The following RARS2 variants were observed in gnomAD, a reference collection of about 807,000 sequenced individuals.
The protein encoded by RARS2 is probable arginine--tRNA ligase, mitochondrial.
A neutral mutation model predicts 88.5 loss-of-function variants in RARS2; 67 were observed. The ratio of observed to expected loss-of-function variants is 0.76; its 90% confidence interval spans 0.62 to 0.93. The LOEUF is 0.93. RARS2 is among the 40% of genes least tolerant of loss of function. RARS2 has a pLI of 0.00. For missense variants in RARS2, 664 were observed against 684.2 expected, an observed-to-expected ratio of 0.97 and a Z score of 0.33; for synonymous variants, 239 against 230.3, an observed-to-expected ratio of 1.04 and a Z score of -0.34.
At chr6:87,539,829 G>C (rs1402972587) in intron 8 of RARS2, among the ~76,000 whole-genome samples, 1 of 152,114 alleles carries the variant, frequency 6.6e-6, no homozygotes, top group Non-Finnish European at 1.5e-5. Flanking sequence ...TGTGGCACCG[G>C]GGAACAAGCA....
At chr6:87,568,610 T>C (rs1768667347) in intron 2 of RARS2, among the ~76,000 whole-genome samples, 1 of 152,218 alleles carries the variant, frequency 6.6e-6, no homozygotes, top group African/African-American at 2.4e-5. Flanking sequence ...TTACATATAA[T>C]CATGAGATCC....
intron 4 of RARS2, among the ~76,000 whole-genome samples, chr6:87,558,181 G>GA (rs200923177): frequency 0.014 from 1,614 of 118,336 alleles, 17 homozygotes; most frequent in African/African-American, 0.042. Context: ...CCGTCTCAAA[G>GA]AAAAAAAAAA....
chr6:87,514,846 A>G, intron 19 of RARS2, 111 bp downstream of exon 19: 2 of 872,674 alleles, frequency 2.3e-6, no homozygotes, highest in Non-Finnish European at 3.9e-6. Context: ...AAGGAAGTAT[A>G]CTGCTACAGT....
intron 7 of RARS2, 33 bp downstream of exon 7, chr6:87,545,583 T>C (rs760605609): frequency 2.5e-6 from 4 of 1,612,678 alleles, no homozygotes; most frequent in Non-Finnish European, 2.5e-6. Context: ...AATTTTACAA[T>C]GAAATGAAAA....
At chr6:87,569,807 C>T (rs1466802685) in intron 1 of RARS2, among the ~76,000 whole-genome samples, 1 of 151,528 alleles carries the variant, frequency 6.6e-6, no homozygotes, top group Non-Finnish European at 1.5e-5. Context: ...AAGAATAAAT[C>T]TGTGGTTGCC....
At chr6:87,524,342 C>A (rs1354411663) in intron 11 of RARS2, among the ~76,000 whole-genome samples, 2 of 152,212 alleles carry the variant, frequency 1.3e-5, no homozygotes, top group Non-Finnish European at 2.9e-5. Context: ...CATAAGGAAA[C>A]CCCTGAGCTA....
intron 1 of RARS2, among the ~76,000 whole-genome samples, chr6:87,588,973 T>C (rs757607214): frequency 1.1e-4 from 17 of 152,314 alleles, no homozygotes; most frequent in East Asian, 1.9e-4. Flanking sequence ...TTGGTGATAT[T>C]TGGCGAATTA....
chr6:87,519,317 C>T (rs189283188), intron 14 of RARS2: 22 of 405,322 alleles, frequency 5.4e-5, no homozygotes, highest in South Asian at 1.3e-4. Flanking sequence ...AGAAACTTCA[C>T]GTAATCACCT....
At chr6:87,553,958 TG>T (rs1375789717) in intron 5 of RARS2, among the ~76,000 whole-genome samples, 2 of 152,174 alleles carry the variant, frequency 1.3e-5, no homozygotes, top group African/African-American at 4.8e-5. Flanking sequence ...GACAAGTGAG[TG>T]GCAGACGGTA....
rs964615457 is a variant in RARS2, at chr6:87,539,650, C to A, written c.612+2268G>T. Among the ~76,000 whole-genome samples the A allele has an allele frequency of 1.4e-4, 21 of 152,248 alleles. No homozygotes were observed. The South Asian group carries it at 1.7e-3, about 12-fold the overall frequency. ...ACAGAATGTGAGGTTCCGTTCCAGC[C>A]AATGGAAACCAGACACAGCAGTAAG... is the stretch of plus-strand genomic sequence containing the variant. On this transcript the variant is annotated intron_variant, in intron 8 of 19. Transcript: ENST00000369536.
intron 1 of RARS2, among the ~76,000 whole-genome samples, chr6:87,584,261 T>C (rs1344492386): frequency 2.6e-5 from 4 of 152,202 alleles, no homozygotes; most frequent in African/African-American, 9.7e-5. Flanking sequence ...GCTACTGCTA[T>C]TGCTATGAAT....
chr6:87,548,112 G>A (rs1050697874), intron 6 of RARS2, among the ~76,000 whole-genome samples: 6 of 151,964 alleles, frequency 3.9e-5, no homozygotes, highest in Non-Finnish European at 7.4e-5. Context: ...GCATGGTGGC[G>A]CACGCCTGTA....
Position 87,569,508 on chromosome 6 carries a change from A to G in RARS2, c.110+9T>C. ...TTTTATAGATTGTTACAAGTGTATT[A>G]TACTTAACTCTTTTTGGGAAATTGG... On this transcript the variant is annotated intron_variant, in intron 2 of 19. Transcript: ENST00000369536. 6.4e-7 allele frequency: 1 copy of G among 1,570,910 alleles called. No homozygotes were observed. Among genetic ancestry groups the G allele is most frequent in the Admixed American group, 1.7e-5 (1 of 59,952 alleles).
chr6:87,539,697 T>C (rs746181470), intron 8 of RARS2, among the ~76,000 whole-genome samples: 4 of 152,198 alleles, frequency 2.6e-5, no homozygotes, highest in Non-Finnish European at 4.4e-5. Flanking sequence ...AAGTTATAAA[T>C]GACCCTGTCT....
At chr6:87,551,377 G>C (rs1248700881) in intron 5 of RARS2, among the ~76,000 whole-genome samples, 1 of 152,008 alleles carries the variant, frequency 6.6e-6, no homozygotes, top group East Asian at 1.9e-4. Flanking sequence ...TATAATACCA[G>C]CATTTTGGGA....
At chr6:87,537,819 C>A (rs550679210) in intron 8 of RARS2, among the ~76,000 whole-genome samples, 94 of 152,308 alleles carry the variant, frequency 6.2e-4, no homozygotes, top group Middle Eastern at 6.8e-3. Context: ...ATACACCAAG[C>A]ACTTTCCAAG....
chr6:87,552,334 C>T (rs1380460979), intron 5 of RARS2, among the ~76,000 whole-genome samples: 1 of 152,122 alleles, frequency 6.6e-6, no homozygotes, highest in Admixed American at 6.6e-5. Context: ...CCTATTTTGT[C>T]TCTACTTTGA....
rs997236834 is a variant in RARS2 at position 87,519,644 on chromosome 6, G to T, written c.1176C>A (p.Phe392Leu). The T allele has an allele frequency of 3.1e-6, 5 of 1,612,592 alleles. No individual in the cohort carries two copies. The African/African-American group carries it at 4.0e-5, about 13-fold the overall frequency. Residue 392 changes from phenylalanine (F) to leucine (L), a missense_variant, in exon 14 of 20, where the codon TTC becomes TTA. By Grantham distance (22) the Phe-to-Leu change is conservative (BLOSUM62 0). Coordinates refer to ENST00000369536, the MANE Select transcript of RARS2 (RefSeq NM_020320.5). ...GMKTRRGDVTFLEDVLNEIQL... is the reference protein window; with the variant it reads ...GMKTRRGDVTLLEDVLNEIQL... ...GAATCTCATTTAAAACATCTTCCAG[G>T]AAAGTGACATCTCCTCTTCGAGTCT...
chr6:87,564,099 A>G lies in RARS2; in HGVS notation c.213+31T>C, dbSNP rs753735245. On this transcript the variant is annotated intron_variant, in intron 3 of 19. Coordinates refer to ENST00000369536, the MANE Select transcript of RARS2 (RefSeq NM_020320.5). Reference sequence around the variant, plus strand: ...TTTTTTTAATAACAAGTTTATTACAATGTCAAAAAGAGATAATAGTGCTAA... The same window carrying G: ...TTTTTTTAATAACAAGTTTATTACAGTGTCAAAAAGAGATAATAGTGCTAA... 2.7e-6 allele frequency: 4 copies of G among 1,499,948 alleles called. No individual in the cohort carries two copies. The African/African-American group carries it at 5.5e-5, about 21-fold the overall frequency. 92.9% of individuals were successfully genotyped at this position (1,499,948 alleles called of 1,614,324 possible).
Sources: allele counts gnomAD v4.1 joint callset (sites outside exome capture counted in the v4.1 genomes callset), GRCh38; gene constraint gnomAD v4.1.1; transcripts MANE v1.5; gene names NCBI Gene and HGNC (gene_info 2026-07-23, HGNC 2026-07-21).